The following JADE3 variants were observed in gnomAD, a reference collection of about 807,000 sequenced individuals.
JADE3 encodes the protein protein Jade-3.
JADE3 carries 2 observed loss-of-function variants against 50.1 expected under a neutral mutation model. The ratio of observed to expected loss-of-function variants is 0.04; its 90% CI spans 0.02 to 0.13. The LOEUF (loss-of-function observed/expected upper bound fraction) is 0.13, where lower values mean the gene tolerates loss of function less well. Ranked by LOEUF, JADE3 falls within the 10% of genes least tolerant of loss-of-function variation. JADE3 has a pLI of 1.00. For missense variants in JADE3, 475 were observed against 634.4 expected, an observed-to-expected ratio of 0.75 and a Z score of 2.70; for synonymous variants, 218 against 232.9, an observed-to-expected ratio of 0.94 and a Z score of 0.58.
At chrX:47,034,100 T>C (rs1262174813) in intron 7 of JADE3, among the ~76,000 whole-genome samples, 1 of 111,220 alleles carries the variant, frequency 9.0e-6, no homozygotes, top group East Asian at 2.8e-4. Context: ...GATAAATTTG[T>C]ATGAGAGGAG....
chrX:46,988,808 A>C (rs782745202), intron 3 of JADE3, among the ~76,000 whole-genome samples: 3 of 112,742 alleles, frequency 2.7e-5, no homozygotes, highest in Non-Finnish European at 5.6e-5. Flanking sequence ...TTGGCCCCTG[A>C]AACTGAAGCA....
At chrX:46,969,754 G>A (rs782496044) in intron 1 of JADE3, among the ~76,000 whole-genome samples, 28 of 110,795 alleles carry the variant, frequency 2.5e-4, no homozygotes, top group Non-Finnish European at 4.7e-4. Context: ...GCTCGAACCC[G>A]GGAGGCAGAG....
At chrX:47,016,151 A>G (rs1269503875) in intron 4 of JADE3, among the ~76,000 whole-genome samples, 1 of 110,660 alleles carries the variant, frequency 9.0e-6, no homozygotes, top group African/African-American at 3.3e-5. Context: ...TTACCTACCT[A>G]CATATCATTA....
At chrX:46,966,189 G>A (rs782285315) in intron 1 of JADE3, among the ~76,000 whole-genome samples, 2 of 112,148 alleles carry the variant, frequency 1.8e-5, no homozygotes, top group South Asian at 3.7e-4. Flanking sequence ...ATGGCATAGA[G>A]GAAGGTGCCA....
Position 47,059,403 on chromosome X carries a change from T to C in JADE3, c.*326T>C. 1 of 171,219 alleles carries C rather than the reference T, an allele frequency of 5.8e-6. No homozygotes were observed. 14.1% of individuals were successfully genotyped at this position (171,219 alleles called of 1,213,427 possible). On this transcript the variant is annotated 3_prime_UTR_variant, in exon 11 of 11. Coordinates refer to ENST00000614628, the MANE Select transcript of JADE3 (RefSeq NM_014735.5). The stretch of plus-strand genomic sequence containing the variant: ...AGTATATGTATTAAGAGTCCTTGCA[T>C]TGTTAACTGATTTGCAAGAGACCAT...
intron 8 of JADE3, among the ~76,000 whole-genome samples, chrX:47,049,645 C>T (rs1929458254): frequency 9.3e-6 from 1 of 107,222 alleles, no homozygotes; most frequent in Non-Finnish European, 1.9e-5. Context: ...AGGGTTTCGT[C>T]ATGTTTCCCA....
chrX:46,947,582 C>G (rs1219609040), intron 1 of JADE3, among the ~76,000 whole-genome samples: 2 of 111,744 alleles, frequency 1.8e-5, no homozygotes, highest in African/African-American at 6.5e-5. Context: ...TCAGACGTAA[C>G]TGTTTTTTGT....
At chrX:46,999,233 A>G (rs897904853) in intron 4 of JADE3, among the ~76,000 whole-genome samples, 1 of 108,888 alleles carries the variant, frequency 9.2e-6, no homozygotes, top group African/African-American at 3.3e-5. Context: ...CACAAGAACT[A>G]ACTGCTGCTA....
At chrX:46,973,422 A>G (rs1927542430) in intron 1 of JADE3, among the ~76,000 whole-genome samples, 1 of 112,558 alleles carries the variant, frequency 8.9e-6, no homozygotes, top group African/African-American at 3.2e-5. Flanking sequence ...AGAAAAGTTC[A>G]TTATCCCAAC....
At position 46,917,026 on chromosome X, in the gene JADE3, T is replaced by G. The variant is rs782331419; in HGVS notation, c.-12+4307T>G. On this transcript the variant is annotated intron_variant, in intron 1 of 10. Transcript: ENST00000614628. ...GCACAGGCTGTGAGGTCAGGCCAAC[T>G]TGGATTCAAATCCTAACTCTACCAC... Among the ~76,000 whole-genome samples, 3 of 111,886 alleles carry G rather than the reference T, an allele frequency of 2.7e-5. No homozygotes were observed. In the Admixed American group the frequency reaches 2.8e-4, roughly 11 times the overall value.
chrX:47,036,383 A>G (rs1355902120), intron 7 of JADE3, among the ~76,000 whole-genome samples: 1 of 111,247 alleles, frequency 9.0e-6, no homozygotes, highest in Non-Finnish European at 1.9e-5. Flanking sequence ...GCCATCAGAG[A>G]AATGCAAATC....
intron 1 of JADE3, among the ~76,000 whole-genome samples, chrX:46,952,920 C>T (rs1927038020): frequency 9.1e-6 from 1 of 110,161 alleles, no homozygotes; most frequent in Admixed American, 9.6e-5. Flanking sequence ...ATCTCTTGAG[C>T]CCAGGAGGCA....
intron 4 of JADE3, among the ~76,000 whole-genome samples, chrX:47,003,852 A>T (rs1317114484): frequency 9.8e-6 from 1 of 101,729 alleles, no homozygotes; most frequent in Non-Finnish European, 2.0e-5. Context: ...AAATTTATAT[A>T]TATAAATTTA....
intron 4 of JADE3, among the ~76,000 whole-genome samples, chrX:47,022,339 T>A (rs374687244): frequency 8.9e-6 from 1 of 112,283 alleles, no homozygotes. Flanking sequence ...AATTAGTATT[T>A]GAGGTTTCTG....
chrX:46,918,511 C>T (rs931972339), intron 1 of JADE3, among the ~76,000 whole-genome samples: 6 of 112,262 alleles, frequency 5.3e-5, no homozygotes, highest in African/African-American at 1.9e-4. Context: ...TATTTCTTAT[C>T]TACAGAGTAA....
intron 4 of JADE3, among the ~76,000 whole-genome samples, chrX:47,007,212 A>G (rs1928448202): frequency 8.9e-6 from 1 of 111,844 alleles, no homozygotes; most frequent in South Asian, 3.8e-4. Context: ...CTGTCATGGT[A>G]CATGTTCCAT....
At position 47,060,238 on chromosome X, in the gene JADE3, G is replaced by GA. The variant is rs1491292540; in HGVS notation, c.*1161_*1162insA. 1 of 48,909 alleles carries GA rather than the reference G, an allele frequency of 2.0e-5. No homozygotes were observed. The highest frequency in any genetic ancestry group is 8.0e-4 in the East Asian group (1 of 1,247). 4.0% of individuals were successfully genotyped at this position (48,909 alleles called of 1,213,427 possible). Reference sequence around the variant, plus strand: ...GTAGGAAGAGAATAATTACATTTGCGGGGGGGGGGGTGGATAAAAACATGT... The same window carrying GA: ...GTAGGAAGAGAATAATTACATTTGCGAGGGGGGGGGGTGGATAAAAACATGT... On this transcript the variant is annotated 3_prime_UTR_variant, in exon 11 of 11. Coordinates refer to ENST00000614628, the MANE Select transcript of JADE3 (RefSeq NM_014735.5).
Position 47,054,215 on chromosome X carries a change from C to T in JADE3, c.1030C>T (p.Leu344=). ...FHVTCAFEHG[L]EMKTILDEGD... ...CGTCACCTGTGCCTTTGAGCACGGCCTAGAGATGAAGACCATCCTAGATGA... is the reference window on the plus strand; with the variant it reads ...CGTCACCTGTGCCTTTGAGCACGGCTTAGAGATGAAGACCATCCTAGATGA... Residue 344 remains leucine, a synonymous_variant, in exon 9 of 11, where the codon CTA becomes TTA. Coordinates refer to ENST00000614628, the MANE Select transcript of JADE3 (RefSeq NM_014735.5). 1 of 1,210,307 alleles carries T rather than the reference C, an allele frequency of 8.3e-7. No individual in the cohort carries two copies. The highest frequency in any genetic ancestry group is 2.2e-5 in the Admixed American group (1 of 45,768).
At chrX:47,009,148 C>G (rs994143920) in intron 4 of JADE3, among the ~76,000 whole-genome samples, 1 of 110,178 alleles carries the variant, frequency 9.1e-6, no homozygotes, top group African/African-American at 3.3e-5. Context: ...CATAGTGAGA[C>G]CTCGTCTCTA....
Sources: allele counts gnomAD v4.1 joint callset (sites outside exome capture counted in the v4.1 genomes callset), GRCh38; gene constraint gnomAD v4.1.1; transcripts MANE v1.5; gene names NCBI Gene and HGNC (gene_info 2026-07-23, HGNC 2026-07-21).